Variants in ARHGAP15 observed in about 807,000 individuals in gnomAD.
The protein encoded by ARHGAP15 is rho GTPase-activating protein 15.
ARHGAP15 carries 51 observed loss-of-function variants against 63.7 expected under a neutral mutation model. The observed-to-expected ratio is 0.80, with a 90% confidence interval of 0.64 to 1.01. The LOEUF (loss-of-function observed/expected upper bound fraction) is 1.01. Ranked by LOEUF, ARHGAP15 falls within the 50% of genes least tolerant of loss-of-function variation. The probability of loss-of-function intolerance (pLI) is 0.00; values close to 1 mark genes in which losing one functional copy is unlikely to be tolerated. For synonymous variants in ARHGAP15, 191 were observed against 193.8 expected (o/e 0.99, Z 0.12); for missense variants, 560 against 564.6 (o/e 0.99, Z 0.08).
intron 8 of ARHGAP15, among the ~76,000 whole-genome samples, chr2:143,477,805 T>G (rs1038611525): frequency 7.9e-5 from 12 of 152,208 alleles, no homozygotes; most frequent in African/African-American, 2.7e-4. Context: ...CCCCAAGTCC[T>G]GATCCTGAAC....
intron 11 of ARHGAP15, among the ~76,000 whole-genome samples, chr2:143,577,621 T>C (rs796142856): frequency 5.9e-5 from 9 of 152,306 alleles, no homozygotes; most frequent in African/African-American, 2.2e-4. Context: ...CCAGCAGTTC[T>C]GGATCAACAT....
chr2:143,154,377 G>A (rs1689996398), intron 1 of ARHGAP15, among the ~76,000 whole-genome samples: 1 of 151,828 alleles, frequency 6.6e-6, no homozygotes, highest in South Asian at 2.1e-4. Context: ...CCATTAGAAT[G>A]AATGATTCTA....
intron 2 of ARHGAP15, among the ~76,000 whole-genome samples, chr2:143,179,694 C>A (rs1350447285): frequency 6.6e-6 from 1 of 152,094 alleles, no homozygotes; most frequent in Non-Finnish European, 1.5e-5. Context: ...TCAAGACCAA[C>A]CTTGCCCATG....
intron 13 of ARHGAP15, among the ~76,000 whole-genome samples, chr2:143,719,368 C>T (rs1454948883): frequency 3.3e-5 from 5 of 152,190 alleles, no homozygotes; most frequent in African/African-American, 1.2e-4. Context: ...AATTTGCTTA[C>T]ATAGTGAAAA....
At chr2:143,640,434 C>T (rs1680548730) in intron 12 of ARHGAP15, among the ~76,000 whole-genome samples, 1 of 152,068 alleles carries the variant, frequency 6.6e-6, no homozygotes, top group Admixed American at 6.6e-5. Context: ...CTCTGTTATA[C>T]AGCTACTACC....
chr2:143,736,856 T>C (rs532009854), intron 13 of ARHGAP15, among the ~76,000 whole-genome samples: 1 of 152,286 alleles, frequency 6.6e-6, no homozygotes, highest in Non-Finnish European at 1.5e-5. Flanking sequence ...ACATCTATCA[T>C]GATAAATTTG....
chr2:143,703,449 C>G lies in ARHGAP15; in HGVS notation c.1169C>G (p.Ala390Gly), dbSNP rs367913544. The G allele has an allele frequency of 6.2e-7, 1 of 1,611,466 alleles. No individual in the cohort carries two copies. The highest frequency in any genetic ancestry group is 1.7e-5 in the Admixed American group (1 of 59,654). ...KKQDNNTRIE[A>G]VKSLVQKLPP... ...CAAGACAACAACACAAGAATTGAAGCTGTAAAATCTCTTGTACAAAAACTC... is the reference window on the plus strand; with the variant it reads ...CAAGACAACAACACAAGAATTGAAGGTGTAAAATCTCTTGTACAAAAACTC... The change falls in exon 13 of 14, where the codon GCT becomes GGT. Residue 390 changes from alanine to glycine, a missense_variant. Ala to Gly is a moderately conservative substitution (Grantham distance 60, BLOSUM62 0). Transcript: ENST00000295095.
chr2:143,461,301 A>AAAC (rs1690927817), intron 8 of ARHGAP15, among the ~76,000 whole-genome samples: 1 of 150,924 alleles, frequency 6.6e-6, no homozygotes, highest in Non-Finnish European at 1.5e-5. Flanking sequence ...AAAAAAAAAA[A>AAAC]AAAAACAGAA....
At chr2:143,299,509 G>A (rs774766745) in intron 6 of ARHGAP15, among the ~76,000 whole-genome samples, 14 of 151,780 alleles carry the variant, frequency 9.2e-5, no homozygotes, top group African/African-American at 3.1e-4. Context: ...CTCAATAATC[G>A]TTGAGATATG....
chr2:143,381,016 A>G (rs1687033661), intron 6 of ARHGAP15, among the ~76,000 whole-genome samples: 1 of 152,190 alleles, frequency 6.6e-6, no homozygotes, highest in African/African-American at 2.4e-5. Flanking sequence ...CGTTAAGAAC[A>G]TGGTATAATG....
At chr2:143,344,811 G>C (rs938515762) in intron 6 of ARHGAP15, among the ~76,000 whole-genome samples, 1 of 152,106 alleles carries the variant, frequency 6.6e-6, no homozygotes, top group East Asian at 1.9e-4. Flanking sequence ...TCAGTAAAAA[G>C]AGGAGAAAGG....
At chr2:143,624,410 T>G in intron 12 of ARHGAP15, 143 bp downstream of exon 12, 2 of 966,598 alleles carry the variant, frequency 2.1e-6, no homozygotes, top group South Asian at 6.8e-5. Context: ...TTCGTTTTTG[T>G]GTTTTGATGG....
chr2:143,390,201 C>G (rs895488771), intron 6 of ARHGAP15, among the ~76,000 whole-genome samples: 2 of 152,154 alleles, frequency 1.3e-5, no homozygotes, highest in Non-Finnish European at 2.9e-5. Flanking sequence ...CACTTTCCCT[C>G]TCCTGCATAG....
In ARHGAP15 at chr2:143,477,188, T is replaced by TCGCACACACACACACACACTCG. The variant is rs1558997758; in HGVS notation, c.704-10168_704-10147dup. ...ATCATTTACACACACACACACATGC[T>TCGCACACACACACACACACTCG]CGCACACACACACACACACTCGCGC... On this transcript the variant is annotated intron_variant, in intron 8 of 13. Transcript: ENST00000295095. Among the ~76,000 whole-genome samples, 7 of 145,812 alleles carry TCGCACACACACACACACACTCG rather than the reference T, an allele frequency of 4.8e-5. 1 individual carries two copies. The South Asian group carries it at 1.5e-3, about 32-fold the overall frequency.
intron 6 of ARHGAP15, among the ~76,000 whole-genome samples, chr2:143,309,986 ATTAAT>A (rs1683363509): frequency 1.3e-5 from 2 of 151,982 alleles, no homozygotes; most frequent in East Asian, 1.9e-4. Flanking sequence ...ATTTTCAATT[ATTAAT>A]TTTATGTTCT....
intron 6 of ARHGAP15, among the ~76,000 whole-genome samples, chr2:143,392,662 G>T (rs1687584433): frequency 6.6e-6 from 1 of 152,180 alleles, no homozygotes; most frequent in Non-Finnish European, 1.5e-5. Flanking sequence ...ATCAGCAAGT[G>T]AAGTAGAGAT....
chr2:143,520,758 A>C (rs1302489425), intron 10 of ARHGAP15, among the ~76,000 whole-genome samples: 1 of 152,204 alleles, frequency 6.6e-6, no homozygotes, highest in Non-Finnish European at 1.5e-5. Context: ...CATCATTTTC[A>C]GGAAATCTTC....
chr2:143,652,775 A>T (rs1239073184), intron 12 of ARHGAP15, among the ~76,000 whole-genome samples: 1 of 152,088 alleles, frequency 6.6e-6, no homozygotes, highest in Admixed American at 6.6e-5. Flanking sequence ...ACTCTGCAAC[A>T]TTGCAATACT....
chr2:143,261,286 A>C (rs1269238090), intron 6 of ARHGAP15, among the ~76,000 whole-genome samples: 1 of 150,458 alleles, frequency 6.6e-6, no homozygotes, highest in East Asian at 1.9e-4. Flanking sequence ...GTTTATGCTA[A>C]ATTTTATGAC....
Sources: allele counts gnomAD v4.1 joint callset (sites outside exome capture counted in the v4.1 genomes callset), GRCh38; gene constraint gnomAD v4.1.1; transcripts MANE v1.5; gene names NCBI Gene and HGNC (gene_info 2026-07-23, HGNC 2026-07-21).